The following PRDM16 variants were observed in gnomAD, a reference collection of about 807,000 sequenced individuals.
PRDM16 encodes the protein PR/SET domain 16.
Under a neutral mutation model 110.6 loss-of-function variants are expected in PRDM16, and 23 were observed. The observed-to-expected ratio is 0.21, with a 90% CI of 0.15 to 0.29. The LOEUF is 0.29. Among genes scored for constraint, PRDM16 ranks in the 10% least tolerant of loss-of-function variants. The pLI, the probability that PRDM16 is intolerant of heterozygous loss-of-function variation, is 1.00. For synonymous variants in PRDM16, 799 were observed against 781.8 expected (o/e 1.02, Z -0.37); for missense variants, 1,615 against 1,794.3 (o/e 0.90, Z 1.81).
intron 14 of PRDM16, among the ~76,000 whole-genome samples, chr1:3,427,670 CT>C (rs1638648281): frequency 6.6e-6 from 1 of 152,108 alleles, no homozygotes; most frequent in Non-Finnish European, 1.5e-5. Context: ...ATCTGTGCCC[CT>C]CCTAGGAAGG....
chr1:3,340,755 C>G (rs905002758), intron 3 of PRDM16, among the ~76,000 whole-genome samples: 4 of 152,192 alleles, frequency 2.6e-5, no homozygotes, highest in African/African-American at 9.7e-5. Context: ...TAAAGGCCAT[C>G]TAGATGAACA....
At chr1:3,365,706 A>G (rs1642797194) in intron 3 of PRDM16, among the ~76,000 whole-genome samples, 1 of 152,202 alleles carries the variant, frequency 6.6e-6, no homozygotes, top group Non-Finnish European at 1.5e-5. Flanking sequence ...AATCCCGCCT[A>G]AGTGGCTCCC....
intron 2 of PRDM16, among the ~76,000 whole-genome samples, chr1:3,240,082 A>C (rs1436815985): frequency 1.4e-5 from 2 of 142,654 alleles, no homozygotes; most frequent in African/African-American, 5.4e-5. Context: ...AGAGGAGAGG[A>C]GAGGAGAGGA....
At chr1:3,278,714 A>T (rs1398886206) in intron 3 of PRDM16, among the ~76,000 whole-genome samples, 3 of 152,204 alleles carry the variant, frequency 2.0e-5, no homozygotes, top group Admixed American at 1.3e-4. Context: ...GAGGACCCTT[A>T]GAAAACTGGC....
intron 1 of PRDM16, among the ~76,000 whole-genome samples, chr1:3,105,917 T>G (rs1382609832): frequency 6.6e-6 from 1 of 152,176 alleles, no homozygotes; most frequent in East Asian, 1.9e-4. Flanking sequence ...AAAGCCCCTC[T>G]GCCACGGCCA....
chr1:3,098,928 C>T (rs866575805), intron 1 of PRDM16, among the ~76,000 whole-genome samples: 2 of 152,240 alleles, frequency 1.3e-5, no homozygotes, highest in Non-Finnish European at 2.9e-5. Flanking sequence ...CCGGCAAATG[C>T]TGCTTCTCAG....
At chr1:3,362,745 C>A (rs1323110825) in intron 3 of PRDM16, among the ~76,000 whole-genome samples, 4 of 152,190 alleles carry the variant, frequency 2.6e-5, no homozygotes, top group Non-Finnish European at 5.9e-5. Flanking sequence ...GCCGGGTCTC[C>A]TCACAACCTC....
Position 3,430,899 on chromosome 1 carries a change from T to C in PRDM16, c.3312T>C (p.Ser1104=), listed in dbSNP as rs773893904. The change falls in exon 15 of 17, where the codon AGT becomes AGC. Residue 1104 remains serine, a synonymous_variant. Coordinates refer to ENST00000270722, the MANE Select transcript of PRDM16 (RefSeq NM_022114.4). ...KRADMQIVDG[S]AQCPGLASEK... ...CGGACATGCAGATCGTGGACGGCAG[T>C]GCCCAGTGTCCAGGCCTAGCCAGTG... 1 of 1,613,960 alleles carries C rather than the reference T, an allele frequency of 6.2e-7. No individual in the cohort carries two copies. The highest frequency in any genetic ancestry group is 8.5e-7 in the Non-Finnish European group (1 of 1,180,014).
At chr1:3,423,190 G>A (rs1449708373) in intron 12 of PRDM16, among the ~76,000 whole-genome samples, 1 of 152,166 alleles carries the variant, frequency 6.6e-6, no homozygotes, top group Non-Finnish European at 1.5e-5. Flanking sequence ...CTTCTCCCAG[G>A]ACTGCCTCCC....
chr1:3,421,948 G>A (rs61759209), intron 12 of PRDM16, among the ~76,000 whole-genome samples: 1 of 112,310 alleles, frequency 8.9e-6, no homozygotes, highest in African/African-American at 2.7e-5. Flanking sequence ...AGACAGGCAG[G>A]CGGACAGACA....
intron 1 of PRDM16, among the ~76,000 whole-genome samples, chr1:3,180,876 G>A (rs1316202583): frequency 2.0e-5 from 3 of 150,876 alleles, no homozygotes; most frequent in African/African-American, 4.9e-5. Flanking sequence ...CCTTACACAC[G>A]CAGTCTTACA....
At chr1:3,328,962 A>G (rs752826244) in intron 3 of PRDM16, among the ~76,000 whole-genome samples, 30 of 152,132 alleles carry the variant, frequency 2.0e-4, no homozygotes, top group Non-Finnish European at 3.8e-4. Context: ...GCTGGCGGGT[A>G]GGGAACTCCC....
chr1:3,194,659 C>A (rs1245646499), intron 2 of PRDM16, among the ~76,000 whole-genome samples: 22 of 135,466 alleles, frequency 1.6e-4, no homozygotes, highest in Admixed American at 3.0e-4. Context: ...CCACCGTCTC[C>A]CCGCCACATG....
rs150455416 is a variant in PRDM16, at chr1:3,253,160, G to T, written c.438+9023G>T. On this transcript the variant is annotated intron_variant, in intron 3 of 16. Coordinates refer to ENST00000270722, the MANE Select transcript of PRDM16 (RefSeq NM_022114.4). ...GGTAGTATCACCCCCACCAGGCCAC[G>T]TCGGAAAATAAGGCACCACACTCTT... Among the ~76,000 whole-genome samples, 10 of 151,864 alleles carry T rather than the reference G, an allele frequency of 6.6e-5. No homozygotes were observed. The East Asian group carries it at 1.6e-3, about 24-fold the overall frequency.
In PRDM16 at chr1:3,206,108, C is replaced by T. The variant is rs1381095295; in HGVS notation, c.387+19634C>T. On this transcript the variant is annotated intron_variant, in intron 2 of 16. Coordinates refer to ENST00000270722, the MANE Select transcript of PRDM16 (RefSeq NM_022114.4). This position sits in a 1 kb window ranked among gnomAD's most constrained non-coding sequence, Gnocchi z 4.9. ...CACAACAGAGGTGCCCCAACTAGTA[C>T]TGGTGCCCCCGTTTTCTCAGCAAGT... 2.0e-5 allele frequency: 3 copies of T among 152,348 alleles called. No individual in the cohort carries two copies. Among genetic ancestry groups the T allele is most frequent in the Non-Finnish European group, 4.4e-5 (3 of 68,122 alleles). The allele number at this position is 152,348 out of a possible 1,614,324, so 9.4% of individuals were successfully genotyped here. A position where few individuals can be genotyped will look rare whatever the true frequency, so the allele number is the denominator to read the frequency against.
At chr1:3,302,474 A>G (rs1050256743) in intron 3 of PRDM16, among the ~76,000 whole-genome samples, 13 of 151,678 alleles carry the variant, frequency 8.6e-5, no homozygotes, top group South Asian at 2.1e-4. Flanking sequence ...GGTTGCCCCA[A>G]AGTATCCATT....
Position 3,430,969 on chromosome 1 carries a change from G to A in PRDM16, c.3382G>A (p.Glu1128Lys). 1 of 1,611,406 alleles carries A rather than the reference G, an allele frequency of 6.2e-7. No homozygotes were observed. Among genetic ancestry groups the A allele is most frequent in the Non-Finnish European group, 8.5e-7 (1 of 1,178,752 alleles). ...VEEEDDDDLE[E>K]DDEDSLAGKS... ...GGAGGAGGACGACGATGACCTGGAGGAGGACGATGAGGACAGCCTGGCCGG... is the reference window on the plus strand; with the variant it reads ...GGAGGAGGACGACGATGACCTGGAGAAGGACGATGAGGACAGCCTGGCCGG... Residue 1128 changes from glutamate (E) to lysine (K), a missense_variant, in exon 15 of 17, where the codon GAG becomes AAG. Glu to Lys is a moderately conservative substitution (Grantham distance 56). Around this residue, in one of 5 missense-constraint regions of PRDM16, gnomAD observed 327 missense variants for 359.3 expected, o/e 0.91. Coordinates refer to ENST00000270722, the MANE Select transcript of PRDM16 (RefSeq NM_022114.4).
At chr1:3,092,765 G>C (rs543582308) in intron 1 of PRDM16, among the ~76,000 whole-genome samples, 2 of 152,106 alleles carry the variant, frequency 1.3e-5, no homozygotes, top group African/African-American at 4.8e-5. Context: ...GGGGTCTCCC[G>C]GCAGCTCTAG....
At chr1:3,433,004 G>A (rs989051024) in intron 16 of PRDM16, among the ~76,000 whole-genome samples, 4 of 152,144 alleles carry the variant, frequency 2.6e-5, no homozygotes, top group Non-Finnish European at 5.9e-5. Flanking sequence ...GTGTCCCCAC[G>A]GTCACCAAAA....
Sources: gnomAD v4.1 joint callset for allele counts (sites outside exome capture counted in the v4.1 genomes callset) on GRCh38, gnomAD v4.1.1 for gene constraint, gnomAD v4.1.1 regional missense constraint, Gnocchi (gnomAD v3.1) non-coding constraint, MANE v1.5 for transcripts, NCBI Gene and HGNC (gene_info 2026-07-23, HGNC 2026-07-21) for gene names.